The following ASCC3 variants were observed in gnomAD, a reference collection of about 807,000 sequenced individuals.
The protein encoded by ASCC3 is ASC-1 complex subunit P200.
ASCC3 carries 158 observed loss-of-function variants against 256.3 expected under a neutral mutation model. The observed-to-expected ratio is 0.62, with a 90% CI of 0.54 to 0.70. The LOEUF (loss-of-function observed/expected upper bound fraction) is 0.70, where lower values mean the gene tolerates loss of function less well. Ranked by LOEUF, ASCC3 falls within the 30% of genes least tolerant of loss-of-function variation. The pLI is 0.00. For missense variants in ASCC3, 2,259 were observed against 2,626.0 expected (o/e 0.86, Z 3.05); for synonymous variants, 948 against 883.4 (o/e 1.07, Z -1.30).
chr6:100,810,694 G>A (rs1331999775), intron 4 of ASCC3, among the ~76,000 whole-genome samples: 1 of 151,930 alleles, frequency 6.6e-6, no homozygotes, highest in African/African-American at 2.4e-5. Context: ...AAGTCTTTTG[G>A]CAAACTCCAA....
chr6:100,590,147 T>C (rs1771928600), intron 34 of ASCC3, 88 bp from the exon 35 acceptor site: 15 of 875,566 alleles, frequency 1.7e-5, no homozygotes, highest in Non-Finnish European at 2.6e-5. Context: ...TATATAAATA[T>C]AATCCCCTTT....
chr6:100,830,097 T>C (rs1771549376), intron 4 of ASCC3, among the ~76,000 whole-genome samples: 1 of 151,974 alleles, frequency 6.6e-6, no homozygotes, highest in Non-Finnish European at 1.5e-5. Flanking sequence ...TTCTGGAACT[T>C]ATAATTTAAT....
Position 100,642,744 on chromosome 6 carries a change from A to C in ASCC3, c.3738T>G (p.Ile1246Met). Residue 1246 changes from isoleucine to methionine, a missense_variant, in exon 24 of 42, where the codon ATT (isoleucine) becomes ATG (methionine). Physicochemically the swap from Ile to Met is conservative, Grantham distance 10. Transcript: ENST00000369162. ...EYFLALKKQVISKEAQLLVFT... is the reference protein window; with the variant it reads ...EYFLALKKQVMSKEAQLLVFT... ...ATACCAGTAGTTGGGCTTCTTTACT[A>C]ATGACCTAATATGAAATACAGTCAA... is the stretch of plus-strand genomic sequence containing the variant. The C allele has an allele frequency of 6.2e-7, 1 of 1,612,478 alleles. No homozygotes were observed. The highest frequency in any genetic ancestry group is 8.5e-7 in the Non-Finnish European group (1 of 1,178,598).
In ASCC3 at chr6:100,552,269, T is replaced by C. The variant is rs1412558557; in HGVS notation, c.5551-11882A>G. 2.0e-5 allele frequency among the ~76,000 whole-genome samples: 3 copies of C among 151,940 alleles called. No individual in the cohort carries two copies. In the East Asian group the frequency reaches 5.8e-4, roughly 29 times the overall value. On this transcript the variant is annotated intron_variant, in intron 36 of 41. Coordinates refer to ENST00000369162, the MANE Select transcript of ASCC3 (RefSeq NM_006828.4). ...TCAGATGTAAATCTTTGTTTATAAT[T>C]ATGTAAGTGTCCTTCACTATGTAAA...
chr6:100,540,908 A>C (rs939943354), intron 36 of ASCC3, among the ~76,000 whole-genome samples: 1 of 152,128 alleles, frequency 6.6e-6, no homozygotes, highest in African/African-American at 2.4e-5. Context: ...AGATGAGAAA[A>C]GGGTAAAGAG....
intron 8 of ASCC3, among the ~76,000 whole-genome samples, chr6:100,794,711 C>A (rs540193239): frequency 1.3e-5 from 2 of 152,016 alleles, no homozygotes; most frequent in African/African-American, 4.8e-5. Context: ...TTTTATAGGA[C>A]TCAATTATTG....
intron 36 of ASCC3, among the ~76,000 whole-genome samples, chr6:100,541,642 A>T (rs1429552229): frequency 6.6e-6 from 1 of 152,230 alleles, no homozygotes; most frequent in Non-Finnish European, 1.5e-5. Context: ...AACAGAGCTC[A>T]AGAAGATTTA....
At chr6:100,877,643 T>C (rs1212915372) in intron 1 of ASCC3, among the ~76,000 whole-genome samples, 4 of 152,308 alleles carry the variant, frequency 2.6e-5, no homozygotes, top group Middle Eastern at 3.4e-3. Context: ...CAGCAGAGTC[T>C]AGGCACATTT....
chr6:100,512,066 G>A (rs1461846234), intron 40 of ASCC3, among the ~76,000 whole-genome samples: 1 of 152,124 alleles, frequency 6.6e-6, no homozygotes, highest in Non-Finnish European at 1.5e-5. Flanking sequence ...ATAATCAGAG[G>A]CAACAGAAAA....
At chr6:100,562,297 C>T (rs958009810) in intron 36 of ASCC3, among the ~76,000 whole-genome samples, 10 of 152,034 alleles carry the variant, frequency 6.6e-5, no homozygotes, top group African/African-American at 2.4e-4. Context: ...GAAGCATATC[C>T]ATTTCTTTGG....
rs534088856 is a variant in ASCC3 at position 100,624,980 on chromosome 6, C to A, written c.4785+212G>T. 9.9e-5 allele frequency among the ~76,000 whole-genome samples: 15 copies of A among 151,464 alleles called. No individual in the cohort carries two copies. In the East Asian group the frequency reaches 1.5e-3, roughly 16 times the overall value. On this transcript the variant is annotated intron_variant, in intron 30 of 41. Coordinates refer to ENST00000369162, the MANE Select transcript of ASCC3 (RefSeq NM_006828.4). ...ATGTTACAATATACACAGGTGATAA[C>A]GTTAAAGGAAAAAATTATAAATATG...
At chr6:100,747,818 A>C (rs1181675996) in intron 10 of ASCC3, among the ~76,000 whole-genome samples, 1 of 152,018 alleles carries the variant, frequency 6.6e-6, no homozygotes, top group East Asian at 1.9e-4. Context: ...TATTTTTAAA[A>C]TGTATATTTT....
Position 100,687,517 on chromosome 6 carries a change from A to G in ASCC3, c.2152-7765T>C, listed in dbSNP as rs147478350. ...GCTGGGACTACAGGTGCGCACCACC[A>G]TGCCTGGCTAAATAGTTTTTATAAT... On this transcript the variant is annotated intron_variant, in intron 13 of 41. Transcript: ENST00000369162. Among the ~76,000 whole-genome samples, 59 of 152,190 alleles carry G rather than the reference A, an allele frequency of 3.9e-4. 2 individuals are homozygous for G. The highest frequency in any genetic ancestry group is 1.4e-3 in the African/African-American group (58 of 41,554).
At chr6:100,766,476 T>C in intron 10 of ASCC3, 89 bp downstream of exon 10, 2 of 1,283,244 alleles carry the variant, frequency 1.6e-6, no homozygotes, top group African/African-American at 1.5e-5. Flanking sequence ...TTATGTATTC[T>C]AGTTATTTAA....
chr6:100,627,761 A>G (rs1774314729), intron 28 of ASCC3, 51 bp from the exon 29 acceptor site: 2 of 1,606,730 alleles, frequency 1.2e-6, no homozygotes, highest in East Asian at 2.3e-5. Context: ...ATTGAATTTT[A>G]TAAGGTTATA....
intron 14 of ASCC3, among the ~76,000 whole-genome samples, chr6:100,675,130 G>GTTTTTT (rs562151800): frequency 1.1e-4 from 16 of 143,728 alleles, no homozygotes; most frequent in East Asian, 8.2e-4. Flanking sequence ...GCAAACAGTT[G>GTTTTTT]TTTTTTTTTT....
intron 4 of ASCC3, among the ~76,000 whole-genome samples, chr6:100,841,721 C>G (rs1029082995): frequency 6.6e-6 from 1 of 151,796 alleles, no homozygotes; most frequent in Non-Finnish European, 1.5e-5. Context: ...AAAACATAAC[C>G]CATCATATGT....
intron 36 of ASCC3, among the ~76,000 whole-genome samples, chr6:100,580,993 T>G (rs2114747014): frequency 6.6e-6 from 1 of 152,304 alleles, no homozygotes; most frequent in Non-Finnish European, 1.5e-5. Context: ...GTTGGACATT[T>G]GGCTTGGTTC....
chr6:100,649,423 A>T (rs1404683794), intron 20 of ASCC3, among the ~76,000 whole-genome samples: 1 of 151,716 alleles, frequency 6.6e-6, no homozygotes, highest in South Asian at 2.1e-4. Flanking sequence ...GAGATTAGAA[A>T]ATTATTCCTA....
Sources: gnomAD v4.1 joint callset for allele counts (sites outside exome capture counted in the v4.1 genomes callset) on GRCh38, gnomAD v4.1.1 for gene constraint, MANE v1.5 for transcripts, NCBI Gene and HGNC (gene_info 2026-07-23, HGNC 2026-07-21) for gene names.